The following CLVS1 variants were observed in gnomAD, a reference collection of about 807,000 sequenced individuals.
CLVS1 encodes the protein clavesin 1, also known as clavesin-1.
In CLVS1, 10 loss-of-function variants were observed where a neutral mutation model predicts 33.1. The observed-to-expected ratio is 0.30, with a 90% CI of 0.19 to 0.51. The LOEUF is 0.51. CLVS1 is among the 20% of genes least tolerant of loss of function. The probability of loss-of-function intolerance (pLI) is 0.97; values close to 1 mark genes in which losing one functional copy is unlikely to be tolerated. For synonymous variants in CLVS1, 163 were observed against 166.1 expected (o/e 0.98, Z 0.14); for missense variants, 343 against 433.4 (o/e 0.79, Z 1.85).
At chr8:61,461,492 T>G (rs1186266805) in intron 5 of CLVS1, among the ~76,000 whole-genome samples, 2 of 152,218 alleles carry the variant, frequency 1.3e-5, no homozygotes, top group African/African-American at 2.4e-5. Flanking sequence ...CAAGTTTATT[T>G]TGGTACAAAA....
At chr8:61,027,363 A>G in the CLVS1 span, among the ~76,000 whole-genome samples, 1 of 152,190 alleles carries the variant, frequency 6.6e-6, no homozygotes, top group Non-Finnish European at 1.5e-5. Flanking sequence ...AATAAAAATG[A>G]ATTCAGTGGA....
chr8:61,357,359 G>C (rs74919360), intron 2 of CLVS1, among the ~76,000 whole-genome samples: 1 of 152,036 alleles, frequency 6.6e-6, no homozygotes, highest in Non-Finnish European at 1.5e-5. Flanking sequence ...CATATGCATA[G>C]AGGATAGATA....
intron 5 of CLVS1, among the ~76,000 whole-genome samples, chr8:61,494,170 T>C (rs544716590): frequency 1.3e-5 from 2 of 152,264 alleles, no homozygotes; most frequent in South Asian, 4.2e-4. Flanking sequence ...TCATGAGCAT[T>C]GATCACAACT....
intron 1 of CLVS1, among the ~76,000 whole-genome samples, chr8:61,102,851 G>A (rs10090495): frequency 0.38 from 58,295 of 151,984 alleles, 12,127 homozygotes; most frequent in East Asian, 0.82. Context: ...AGTTGGAGGA[G>A]GAGGAGAAGG....
At chr8:61,059,499 T>TATATATATATATATACACAC (rs1265187479) in intron 1 of CLVS1, among the ~76,000 whole-genome samples, 31 of 96,352 alleles carry the variant, frequency 3.2e-4, no homozygotes, top group Non-Finnish European at 4.2e-4. Context: ...TATATATATA[T>TATATATATATATATACACAC]ACACATATCT....
chr8:61,240,894 G>GTTT (rs549955338), intron 2 of CLVS1, among the ~76,000 whole-genome samples: 14 of 130,608 alleles, frequency 1.1e-4, no homozygotes, highest in Admixed American at 4.5e-4. Context: ...TTTGCTGTAG[G>GTTT]TTTTTTTTTT....
intron 5 of CLVS1, chr8:61,465,862 C>T (rs1489407606): frequency 1.3e-5 from 2 of 152,196 alleles, no homozygotes; most frequent in African/African-American, 2.4e-5. Flanking sequence ...CAGGGTTTCA[C>T]CATGTTGACC....
intron 2 of CLVS1, among the ~76,000 whole-genome samples, chr8:61,200,112 G>C (rs1224368878): frequency 1.3e-5 from 2 of 152,010 alleles, no homozygotes; most frequent in African/African-American, 2.4e-5. Context: ...GAAAAAACAA[G>C]TGCACATTTA....
chr8:61,155,091 T>A (rs1806623747), intron 2 of CLVS1, among the ~76,000 whole-genome samples: 2 of 152,160 alleles, frequency 1.3e-5, no homozygotes, highest in Admixed American at 1.3e-4. Flanking sequence ...CACACAGATG[T>A]TGTCAGAAAC....
In CLVS1 at chr8:61,501,353, T is replaced by C. The variant is rs1275755166; in HGVS notation, c.*1811T>C. On this transcript the variant is annotated 3_prime_UTR_variant, in exon 6 of 6. Transcript: ENST00000325897. Reference sequence around the variant, plus strand: ...AGTAATACCATTTCTAGCTTTTCAATTGGCAATACTTAGAACCTTACTGTA... The same window carrying C: ...AGTAATACCATTTCTAGCTTTTCAACTGGCAATACTTAGAACCTTACTGTA... 1 of 152,218 alleles carries C rather than the reference T, an allele frequency of 6.6e-6. No homozygotes were observed. The highest frequency in any genetic ancestry group is 1.5e-5 in the Non-Finnish European group (1 of 68,014). The allele number at this position is 152,218 out of a possible 1,614,324, so 9.4% of individuals were successfully genotyped here. A position where few individuals can be genotyped will look rare whatever the true frequency, so the allele number is the denominator to read the frequency against.
intron 3 of CLVS1, among the ~76,000 whole-genome samples, chr8:61,402,101 T>C (rs1236595685): frequency 6.6e-6 from 1 of 152,144 alleles, no homozygotes; most frequent in African/African-American, 2.4e-5. Context: ...TGGATGAATG[T>C]TGAGATTTAT....
intron 2 of CLVS1, among the ~76,000 whole-genome samples, chr8:61,195,392 T>C (rs1408680955): frequency 6.6e-6 from 1 of 152,018 alleles, no homozygotes; most frequent in African/African-American, 2.4e-5. Flanking sequence ...TTAAAAGTTA[T>C]TCTTACTAAT....
chr8:61,420,742 G>A (rs1258656989), intron 3 of CLVS1, among the ~76,000 whole-genome samples: 1 of 152,130 alleles, frequency 6.6e-6, no homozygotes, highest in Non-Finnish European at 1.5e-5. Context: ...GCTGAGGCGG[G>A]CGGATCACCT....
At chr8:61,302,858 G>A (rs1025690174) in intron 2 of CLVS1, among the ~76,000 whole-genome samples, 1 of 152,172 alleles carries the variant, frequency 6.6e-6, no homozygotes, top group Non-Finnish European at 1.5e-5. Flanking sequence ...GGGGAGGCAG[G>A]CACATCTTCA....
At chr8:61,145,661 A>G (rs1263438387) in intron 2 of CLVS1, among the ~76,000 whole-genome samples, 2 of 152,186 alleles carry the variant, frequency 1.3e-5, no homozygotes, top group Non-Finnish European at 2.9e-5. Context: ...TTGTTCTCAA[A>G]AGAAGACATT....
chr8:61,220,137 T>G (rs1426948757), intron 2 of CLVS1, among the ~76,000 whole-genome samples: 1 of 152,230 alleles, frequency 6.6e-6, no homozygotes, highest in Non-Finnish European at 1.5e-5. Flanking sequence ...TAATTTCTTT[T>G]GCTGTGCAGA....
At chr8:61,374,391 T>C (rs1813560528) in intron 2 of CLVS1, among the ~76,000 whole-genome samples, 1 of 152,220 alleles carries the variant, frequency 6.6e-6, no homozygotes, top group African/African-American at 2.4e-5. Context: ...ATGCTCTTCC[T>C]AAGAAAGCTT....
intron 3 of CLVS1, among the ~76,000 whole-genome samples, chr8:61,427,732 TAGC>T (rs1815947480): frequency 6.6e-6 from 1 of 152,320 alleles, no homozygotes; most frequent in Non-Finnish European, 1.5e-5. Flanking sequence ...CACTTATAAG[TAGC>T]AGCAAAAATG....
At chr8:61,260,026 C>T (rs564160955) in intron 2 of CLVS1, among the ~76,000 whole-genome samples, 4 of 152,322 alleles carry the variant, frequency 2.6e-5, no homozygotes, top group African/African-American at 9.6e-5. Flanking sequence ...GCCTAGAATG[C>T]ATAACCCCCA....
Sources: allele counts gnomAD v4.1 joint callset (sites outside exome capture counted in the v4.1 genomes callset), GRCh38; gene constraint gnomAD v4.1.1; transcripts MANE v1.5; gene names NCBI Gene and HGNC (gene_info 2026-07-23, HGNC 2026-07-21).